The following LRP5 variants were observed in gnomAD, a reference collection of about 807,000 sequenced individuals.
LRP5 encodes the protein low-density lipoprotein receptor-related protein 5.
Under a neutral mutation model 154.1 loss-of-function variants are expected in LRP5, and 62 were observed. The observed-to-expected ratio is 0.40, with a 90% CI of 0.33 to 0.50. The LOEUF (loss-of-function observed/expected upper bound fraction) is 0.50. Ranked by LOEUF, LRP5 falls within the 20% of genes least tolerant of loss-of-function variation. The probability of loss-of-function intolerance (pLI) is 0.55; values close to 1 mark genes in which losing one functional copy is unlikely to be tolerated. For missense variants in LRP5, 1,915 were observed against 2,336.7 expected, an observed-to-expected ratio of 0.82 and a Z score of 3.72; for synonymous variants, 966 against 1,011.5, an observed-to-expected ratio of 0.96 and a Z score of 0.85.
intron 18 of LRP5, 39 bp from the exon 19 acceptor site, chr11:68,436,843 GGGGGGCA>G (rs1565114817): frequency 7.0e-7 from 1 of 1,433,522 alleles, no homozygotes; most frequent in Non-Finnish European, 9.8e-7. Context: ...ATGGTGGGCT[GGGGGGCA>G]CCCTCCAGCC....
chr11:68,443,259 T>G (rs1470190674), intron 21 of LRP5, among the ~76,000 whole-genome samples: 2 of 151,596 alleles, frequency 1.3e-5, no homozygotes, highest in Non-Finnish European at 2.9e-5. Flanking sequence ...TCTCAGCACT[T>G]TAGGAGGCTG....
Position 68,448,810 on chromosome 11 carries a change from C to A in LRP5, c.4588C>A (p.Pro1530Thr). Residue 1530 changes from proline (P) to threonine (T), a missense_variant and splice_region_variant, in exon 23 of 23, where the codon CCC (proline) becomes ACC (threonine). By Grantham distance (38) the Pro-to-Thr change is conservative. This residue lies in a region of LRP5 where 1,094 missense variants were observed against 1,210.1 expected (regional missense o/e 0.90). Coordinates refer to ENST00000294304, the MANE Select transcript of LRP5 (RefSeq NM_002335.4). Reference sequence around the variant, plus strand: ...CTCCTCTGTGTGTGTCCCTTTCAGGCCCTACATCATTCGAGGAATGGCGCC... The same window carrying A: ...CTCCTCTGTGTGTGTCCCTTTCAGGACCTACATCATTCGAGGAATGGCGCC... ...NIPATARPYR[P>T]YIIRGMAPPT... The A allele has an allele frequency of 6.2e-7, 1 of 1,604,826 alleles. No homozygotes were observed. Among genetic ancestry groups the A allele is most frequent in the Non-Finnish European group, 8.5e-7 (1 of 1,179,970 alleles).
Position 68,423,494 on chromosome 11 carries a change from T to C in LRP5, c.3033T>C (p.Phe1011=). ...TTGGTTTCTTTGTCTTACAGCCCTT[T>C]GTTTTGACCTCTCTGAGCCAAGGCC... ...KRAKDDGTQP[F]VLTSLSQGQN... Residue 1011 remains phenylalanine (F), a synonymous_variant, in exon 14 of 23, where the codon TTT becomes TTC. Transcript: ENST00000294304. The surrounding 1 kb of genome is among the most constrained non-coding windows in gnomAD (Gnocchi z 4.7). 6.2e-7 allele frequency: 1 copy of C among 1,614,134 alleles called. No individual in the cohort carries two copies. The highest frequency in any genetic ancestry group is 2.2e-5 in the East Asian group (1 of 44,878).
intron 1 of LRP5, among the ~76,000 whole-genome samples, chr11:68,343,759 G>T (rs931197382): frequency 1.3e-5 from 2 of 152,124 alleles, no homozygotes; most frequent in Non-Finnish European, 2.9e-5. Context: ...TGCTGCTTCC[G>T]TCTCGGAAGG....
In LRP5 at chr11:68,423,584, G is replaced by A. The variant is rs368960282; in HGVS notation, c.3123G>A (p.Thr1041=). 1.5e-5 allele frequency: 24 copies of A among 1,614,220 alleles called. No individual in the cohort carries two copies. Among genetic ancestry groups the A allele is most frequent in the Non-Finnish European group, 1.8e-5 (21 of 1,180,030 alleles). ...TCTACAGCCGGACACTGTTCTGGAC[G>A]TGCGAGGCCACCAATACCATCAACG... ...IDIYSRTLFW[T]CEATNTINVH... is the part of the protein sequence containing the mutation. The change falls in exon 14 of 23, where the codon ACG becomes ACA. Residue 1041 remains threonine (T), a synonymous_variant. Coordinates refer to ENST00000294304, the MANE Select transcript of LRP5 (RefSeq NM_002335.4). The surrounding 1 kb of genome is among the most constrained non-coding windows in gnomAD (Gnocchi z 4.7).
At position 68,410,071 on chromosome 11, in the gene LRP5, A is replaced by G. The variant is rs2098658572; in HGVS notation, c.2249A>G (p.Gln750Arg). ...ATCGAAGTGGCGCGGCTGGACGGGC[A>G]GTTCCGGCAAGTCCTCGTGTGGAGG... ...NRIEVARLDG[Q>R]FRQVLVWRDL... The change falls in exon 10 of 23, where the codon CAG becomes CGG. Residue 750 changes from glutamine (Q) to arginine (R), a missense_variant. This residue lies in a region of LRP5 where 773 missense variants were observed against 1,100.9 expected (regional missense o/e 0.70). Coordinates refer to ENST00000294304, the MANE Select transcript of LRP5 (RefSeq NM_002335.4). 1.2e-6 allele frequency: 2 copies of G among 1,613,910 alleles called. No homozygotes were observed. Among genetic ancestry groups the G allele is most frequent in the Non-Finnish European group, 1.7e-6 (2 of 1,180,044 alleles).
chr11:68,431,851 G>A (rs2098672083), intron 17 of LRP5, among the ~76,000 whole-genome samples: 1 of 149,564 alleles, frequency 6.7e-6, no homozygotes, highest in South Asian at 2.2e-4. Flanking sequence ...CAGAGGCCAT[G>A]CCCTTCCATC....
In LRP5 at chr11:68,411,606, C is replaced by A; in HGVS notation, c.2489C>A (p.Ser830Ter). 1 of 1,611,334 alleles carries A rather than the reference C, an allele frequency of 6.2e-7. No individual in the cohort carries two copies. The highest frequency in any genetic ancestry group is 1.1e-5 in the South Asian group (1 of 91,024). Residue 830 changes from serine (S) to a stop codon, truncating the protein, a stop_gained, in exon 11 of 23, where the codon TCG becomes TAG. Transcript: ENST00000294304. LOFTEE classifies it high-confidence loss of function. Reference protein sequence around the residue: ...WTDLDTNMIESSNMLGQERVV... With the variant: ...WTDLDTNMIE ...GACCTGGACACCAACATGATCGAGT[C>A]GTCCAACATGCTGGGTGAGGGCCGG...
intron 5 of LRP5, among the ~76,000 whole-genome samples, chr11:68,365,925 T>C (rs1324190625): frequency 6.6e-6 from 1 of 152,198 alleles, no homozygotes; most frequent in African/African-American, 2.4e-5. Flanking sequence ...TGTTTTATTT[T>C]TGCCCCAGAT....
At chr11:68,410,192 T>G in intron 10 of LRP5, 52 bp downstream of exon 10, 4 of 1,476,758 alleles carry the variant, frequency 2.7e-6, no homozygotes, top group Non-Finnish European at 3.7e-6. Flanking sequence ...TATGAGACAG[T>G]GCGGGGGTGC....
intron 1 of LRP5, among the ~76,000 whole-genome samples, chr11:68,335,905 C>T (rs1472887791): frequency 6.6e-6 from 1 of 152,186 alleles, no homozygotes; most frequent in East Asian, 1.9e-4. Context: ...AGTTTTTTCA[C>T]ACTCTGCAAG....
chr11:68,431,535 C>T (rs1196231764), intron 17 of LRP5, among the ~76,000 whole-genome samples: 1 of 152,134 alleles, frequency 6.6e-6, no homozygotes, highest in African/African-American at 2.4e-5. Flanking sequence ...CCACCACACC[C>T]GGAGTGCCGG....
chr11:68,437,517 G>C (rs1591326970), intron 19 of LRP5, among the ~76,000 whole-genome samples: 1 of 152,220 alleles, frequency 6.6e-6, no homozygotes, highest in African/African-American at 2.4e-5. Flanking sequence ...AGAGGCAGTG[G>C]CTCCTGAAAG....
rs376166960 is a variant in LRP5 at position 68,319,813 on chromosome 11, G to C, written c.91+7008G>C. ...CTCGTGTGTCTCTGCATGTGTATAA[G>C]TGTTTTTATAGGATACATTCCTAGT... On this transcript the variant is annotated intron_variant, in intron 1 of 22. Coordinates refer to ENST00000294304, the MANE Select transcript of LRP5 (RefSeq NM_002335.4). 8.5e-5 allele frequency among the ~76,000 whole-genome samples: 13 copies of C among 152,288 alleles called. No homozygotes were observed. The East Asian group carries it at 1.2e-3, about 14-fold the overall frequency.
chr11:68,310,828 G>A (rs2098587291), upstream of LRP5, among the ~76,000 whole-genome samples: 1 of 152,004 alleles, frequency 6.6e-6, no homozygotes, highest in South Asian at 2.1e-4. Context: ...AGTGCACCTG[G>A]TGTGTTTGAG....
At chr11:68,343,506 C>T (rs2098610355) in intron 1 of LRP5, among the ~76,000 whole-genome samples, 1 of 152,200 alleles carries the variant, frequency 6.6e-6, no homozygotes, top group African/African-American at 2.4e-5. Context: ...TGGGGGCCCT[C>T]GCCACAGGAG....
intron 5 of LRP5, among the ~76,000 whole-genome samples, chr11:68,384,712 T>A (rs1178541690): frequency 6.6e-6 from 1 of 151,136 alleles, no homozygotes; most frequent in Non-Finnish European, 1.5e-5. Context: ...GTGTGGAGCC[T>A]CGGGCCCTGG....
chr11:68,325,108 C>T (rs1184282919), intron 1 of LRP5, among the ~76,000 whole-genome samples: 2 of 152,214 alleles, frequency 1.3e-5, no homozygotes, highest in Admixed American at 6.5e-5. Context: ...CACCCCCCAC[C>T]CCTGGAGCCC....
At chr11:68,434,479 A>T (rs1199877607) in intron 18 of LRP5, among the ~76,000 whole-genome samples, 2 of 152,134 alleles carry the variant, frequency 1.3e-5, no homozygotes, top group Non-Finnish European at 2.9e-5. Flanking sequence ...TCCAGGGTTC[A>T]ATCGATTCTC....
Sources: gnomAD v4.1 joint callset for allele counts (sites outside exome capture counted in the v4.1 genomes callset) on GRCh38, gnomAD v4.1.1 for gene constraint, gnomAD v4.1.1 regional missense constraint, Gnocchi (gnomAD v3.1) non-coding constraint, MANE v1.5 for transcripts, NCBI Gene and HGNC (gene_info 2026-07-23, HGNC 2026-07-21) for gene names.